The following UBN1 variants were observed in gnomAD, a reference collection of about 807,000 sequenced individuals.
UBN1 encodes ubinuclein 1.
A neutral mutation model predicts 108.5 loss-of-function variants in UBN1; 17 were observed. The observed-to-expected ratio is 0.16, with a 90% CI of 0.11 to 0.24. UBN1 has a LOEUF of 0.24. Among genes scored for constraint, UBN1 ranks in the 10% least tolerant of loss-of-function variants. The pLI, the probability that UBN1 is intolerant of heterozygous loss-of-function variation, is 1.00. For missense variants in UBN1, 1,595 were observed against 1,394.4 expected (o/e 1.14, Z -2.29); for synonymous variants, 726 against 564.2 (o/e 1.29, Z -4.07).
chr16:4,865,530 G>T (rs2087287298), intron 7 of UBN1, among the ~76,000 whole-genome samples: 1 of 152,138 alleles, frequency 6.6e-6, no homozygotes, highest in Admixed American at 6.5e-5. Flanking sequence ...AATTAGTCAG[G>T]CGTGGTTGCG....
intron 1 of UBN1, among the ~76,000 whole-genome samples, chr16:4,850,829 A>G (rs1212314679): frequency 6.6e-6 from 1 of 152,208 alleles, no homozygotes; most frequent in East Asian, 1.9e-4. Flanking sequence ...CACATTTGTG[A>G]TTGATTTACA....
In UBN1 at chr16:4,877,229, C is replaced by G. The variant is rs2087925457; in HGVS notation, c.3265+118C>G. ...TCTGGTGTGTGACTGTGGGGAACAT[C>G]TCCGGGAACTGTGCCAAGCCCCCAC... On this transcript the variant is annotated intron_variant, in intron 16 of 17. Transcript: ENST00000262376. The surrounding 1 kb of genome is among the most constrained non-coding windows in gnomAD (Gnocchi z 4.3). 6.6e-7 allele frequency: 1 copy of G among 1,514,332 alleles called. No individual in the cohort carries two copies. Among genetic ancestry groups the G allele is most frequent in the South Asian group, 1.3e-5 (1 of 77,106 alleles). The allele number at this position is 1,514,332 out of a possible 1,614,324, so 93.8% of individuals were successfully genotyped here. A position where few individuals can be genotyped will look rare whatever the true frequency, so the allele number is the denominator to read the frequency against.
intron 8 of UBN1, among the ~76,000 whole-genome samples, chr16:4,869,218 G>A (rs1030967321): frequency 1.3e-5 from 2 of 152,180 alleles, no homozygotes; most frequent in Non-Finnish European, 2.9e-5. Flanking sequence ...AGAGAGAGAA[G>A]GTGTTGCCTG....
chr16:4,858,685 C>A, intron 4 of UBN1, 22 bp downstream of exon 4: 1 of 1,609,484 alleles, frequency 6.2e-7, no homozygotes, highest in South Asian at 1.1e-5. Context: ...CTGAAAATGC[C>A]GTGTCAGACC....
chr16:4,870,801 C>T (rs765376411), intron 10 of UBN1, 43 bp from the exon 11 acceptor site: 18 of 1,610,310 alleles, frequency 1.1e-5, no homozygotes, highest in Non-Finnish European at 1.5e-5. Flanking sequence ...AGGCGGTGGG[C>T]AGGAGCACCT....
rs749268649 is a variant in UBN1 at position 4,860,718 on chromosome 16, T to C, written c.726T>C (p.Ala242=). The C allele has an allele frequency of 2.0e-5, 32 of 1,614,142 alleles. No individual in the cohort carries two copies. The East Asian group carries it at 6.5e-4, about 33-fold the overall frequency. The part of the protein sequence containing the change: ...KEKKKKKYSG[A]LSVKEMLKKF... Reference sequence around the variant, plus strand: ...AGAAGAAGAAGAAATATTCTGGGGCTTTAAGCGTTAAAGAGATGCTAAAGA... The same window carrying C: ...AGAAGAAGAAGAAATATTCTGGGGCCTTAAGCGTTAAAGAGATGCTAAAGA... The change falls in exon 7 of 18, where the codon GCT becomes GCC. Residue 242 remains alanine (A), a synonymous_variant. Transcript: ENST00000262376.
In UBN1 at chr16:4,872,156, G is replaced by C. The variant is rs951398300; in HGVS notation, c.1707-728G>C. 3 of 982,688 alleles carry C rather than the reference G, an allele frequency of 3.1e-6. No individual in the cohort carries two copies. In the Admixed American group the frequency reaches 1.8e-4, roughly 61 times the overall value. The allele number at this position is 982,688 out of a possible 1,614,324, so 60.9% of individuals were successfully genotyped here. A position where few individuals can be genotyped will look rare whatever the true frequency, so the allele number is the denominator to read the frequency against. On this transcript the variant is annotated intron_variant, in intron 12 of 17. Coordinates refer to ENST00000262376, the MANE Select transcript of UBN1 (RefSeq NM_001079514.3). ...TCATCTGTTGTGCGGATAGATCTTG[G>C]AACCTTTGAAATTGCTGTCCTCTCT... is the stretch of plus-strand genomic sequence containing the variant.
intron 7 of UBN1, among the ~76,000 whole-genome samples, chr16:4,866,707 C>G (rs1201283153): frequency 3.9e-5 from 6 of 152,076 alleles, no homozygotes; most frequent in Admixed American, 2.0e-4. Flanking sequence ...GAGACAGGGT[C>G]TCATCATGTG....
chr16:4,856,193 G>C (rs914600766), intron 2 of UBN1, among the ~76,000 whole-genome samples: 141 of 152,200 alleles, frequency 9.3e-4, no homozygotes, highest in African/African-American at 3.3e-3. Flanking sequence ...ACTGAAATTA[G>C]AACTCCAGTG....
At chr16:4,848,816 C>G (rs920596708) in intron 1 of UBN1, among the ~76,000 whole-genome samples, 4 of 152,170 alleles carry the variant, frequency 2.6e-5, no homozygotes, top group African/African-American at 9.7e-5. Context: ...AAACATGAAT[C>G]TTGGCCGGGC....
At chr16:4,862,468 T>C (rs1169103646) in intron 7 of UBN1, among the ~76,000 whole-genome samples, 2 of 152,266 alleles carry the variant, frequency 1.3e-5, no homozygotes, top group Non-Finnish European at 2.9e-5. Flanking sequence ...GAGGTGGAAG[T>C]AGCTGAATCT....
intron 1 of UBN1, chr16:4,852,445 G>A (rs2086604243): frequency 6.3e-6 from 1 of 158,002 alleles, no homozygotes; most frequent in South Asian, 1.8e-4. Flanking sequence ...TTGTTCAGCT[G>A]ATAAAAGCTT....
chr16:4,853,218 T>G, intron 2 of UBN1, 52 bp downstream of exon 2: 1 of 1,592,602 alleles, frequency 6.3e-7, no homozygotes, highest in Non-Finnish European at 8.5e-7. Context: ...CAGGGGTCAG[T>G]GCATGCATGT....
At chr16:4,850,741 A>C (rs541462951) in intron 1 of UBN1, among the ~76,000 whole-genome samples, 10 of 152,358 alleles carry the variant, frequency 6.6e-5, no homozygotes, top group Non-Finnish European at 1.0e-4. Flanking sequence ...TAATTCGACA[A>C]ATGAATATTG....
At position 4,868,813 on chromosome 16, in the gene UBN1, T is replaced by TA; in HGVS notation, c.1111-19dup. The TA allele has an allele frequency of 6.2e-7, 1 of 1,613,028 alleles. No homozygotes were observed. Reference sequence around the variant, plus strand: ...GTGGGGAAAGTGCACTAACGGCTGTTACTGTCTGCTGTGCACCAGGCTGCC... The same window carrying TA: ...GTGGGGAAAGTGCACTAACGGCTGTTAACTGTCTGCTGTGCACCAGGCTGCC... On this transcript the variant is annotated intron_variant, in intron 7 of 17. Coordinates refer to ENST00000262376, the MANE Select transcript of UBN1 (RefSeq NM_001079514.3).
intron 7 of UBN1, 26 bp from the exon 8 acceptor site, chr16:4,868,807 G>A (rs753221723): frequency 1.9e-6 from 3 of 1,612,024 alleles, no homozygotes; most frequent in South Asian, 1.1e-5. Context: ...GTGCACTAAC[G>A]GCTGTTACTG....
At position 4,880,259 on chromosome 16, in the gene UBN1, C is replaced by G. The variant is rs959406310; in HGVS notation, c.*127C>G. 1 of 1,141,456 alleles carries G rather than the reference C, an allele frequency of 8.8e-7. No homozygotes were observed. Among genetic ancestry groups the G allele is most frequent in the Admixed American group, 1.9e-5 (1 of 53,594 alleles). 70.7% of individuals were successfully genotyped at this position (1,141,456 alleles called of 1,614,324 possible). ...CTTCTGGAGGAGCGTGAGTTCTCAG[C>G]GGAGCGCTTCTCGGCACTTCTGATG... is the stretch of plus-strand genomic sequence containing the variant. On this transcript the variant is annotated 3_prime_UTR_variant, in exon 18 of 18. Coordinates refer to ENST00000262376, the MANE Select transcript of UBN1 (RefSeq NM_001079514.3).
Position 4,875,231 on chromosome 16 carries a change from T to C in UBN1, c.2821T>C (p.Ser941Pro). 2 of 1,614,188 alleles carry C rather than the reference T, an allele frequency of 1.2e-6. No individual in the cohort carries two copies. The highest frequency in any genetic ancestry group is 2.2e-5 in the East Asian group (1 of 44,882). The change falls in exon 15 of 18, where the codon TCC becomes CCC. Residue 941 changes from serine (S) to proline (P), a missense_variant. Coordinates refer to ENST00000262376, the MANE Select transcript of UBN1 (RefSeq NM_001079514.3). ...GSLVPGIQPPSVGQATSRPVP... is the reference protein window; with the variant it reads ...GSLVPGIQPPPVGQATSRPVP... ...CCTGGTCCCTGGCATACAGCCTCCC[T>C]CCGTGGGACAGGCCACCAGCCGACC...
intron 8 of UBN1, 59 bp downstream of exon 8, chr16:4,868,962 C>T (rs1438677779): frequency 6.3e-7 from 1 of 1,591,280 alleles, no homozygotes; most frequent in Non-Finnish European, 8.6e-7. Context: ...GAGCTTGGGG[C>T]AAGCCAGCTA....
Sources: gnomAD v4.1 joint callset for allele counts (sites outside exome capture counted in the v4.1 genomes callset) on GRCh38, gnomAD v4.1.1 for gene constraint, Gnocchi (gnomAD v3.1) non-coding constraint, MANE v1.5 for transcripts, NCBI Gene and HGNC (gene_info 2026-07-23, HGNC 2026-07-21) for gene names.